The following WDR27 variants were observed in gnomAD, a reference collection of about 807,000 sequenced individuals.
WDR27 encodes the protein WD repeat domain 27.
Under a neutral mutation model 114.4 loss-of-function variants are expected in WDR27, and 100 were observed. That is an observed-to-expected ratio of 0.87 (90% confidence interval 0.74 to 1.03). The LOEUF is 1.03. Among genes scored for constraint, WDR27 ranks in the 50% least tolerant of loss-of-function variants. The pLI, the probability that WDR27 is intolerant of heterozygous loss-of-function variation, is 0.00. For missense variants in WDR27, 1,129 were observed against 1,092.9 expected, an observed-to-expected ratio of 1.03 and a Z score of -0.47; for synonymous variants, 449 against 423.1, an observed-to-expected ratio of 1.06 and a Z score of -0.75.
chr6:169,695,959 A>G (rs1163823413), intron 1 of WDR27, among the ~76,000 whole-genome samples: 1 of 152,164 alleles, frequency 6.6e-6, no homozygotes, highest in African/African-American at 2.4e-5. Context: ...TGGAAAAGGC[A>G]CAGAAAGGAG....
In WDR27 at chr6:169,482,957, G is replaced by A. The variant is rs1788393636; in HGVS notation, c.2646-25323C>T. 2.6e-5 allele frequency among the ~76,000 whole-genome samples: 4 copies of A among 152,070 alleles called. No individual in the cohort carries two copies. In the East Asian group the frequency reaches 7.7e-4, roughly 29 times the overall value. On this transcript the variant is annotated intron_variant, in intron 25 of 25. Transcript: ENST00000448612. ...ACTTTTGGGTAAATAATAGAATGAA[G>A]GCAGATATCAAGGAGTTCTTCAAAA...
At chr6:169,607,953 C>A (rs937276767) in intron 22 of WDR27, among the ~76,000 whole-genome samples, 1 of 151,328 alleles carries the variant, frequency 6.6e-6, no homozygotes, top group Non-Finnish European at 1.5e-5. Context: ...ACAGAGTGTA[C>A]TTACACATAC....
At chr6:169,499,338 T>G (rs1294620654) in intron 25 of WDR27, among the ~76,000 whole-genome samples, 2 of 152,230 alleles carry the variant, frequency 1.3e-5, no homozygotes, top group Non-Finnish European at 2.9e-5. Context: ...GGGCTCTGAA[T>G]AGCTGGGACA....
intron 25 of WDR27, among the ~76,000 whole-genome samples, chr6:169,460,148 T>A (rs1415806992): frequency 1.3e-5 from 2 of 152,216 alleles, no homozygotes; most frequent in African/African-American, 2.4e-5. Flanking sequence ...AAACTATTAG[T>A]CTAAAAGCTA....
At chr6:169,576,256 T>A (rs1802315997) in intron 24 of WDR27, among the ~76,000 whole-genome samples, 1 of 152,208 alleles carries the variant, frequency 6.6e-6, no homozygotes, top group Non-Finnish European at 1.5e-5. Context: ...ATGGTGGGCA[T>A]GACCATGGGG....
intron 25 of WDR27, among the ~76,000 whole-genome samples, chr6:169,500,901 C>T (rs1175339880): frequency 2.6e-5 from 4 of 152,212 alleles, no homozygotes; most frequent in Non-Finnish European, 5.9e-5. Flanking sequence ...GACACTTGCA[C>T]GACCAGGCAT....
chr6:169,497,964 A>G (rs1470356311), intron 25 of WDR27, among the ~76,000 whole-genome samples: 2 of 152,212 alleles, frequency 1.3e-5, no homozygotes, highest in Non-Finnish European at 2.9e-5. Flanking sequence ...AAACATGTTC[A>G]TAACAGCATC....
chr6:169,467,457 G>T (rs539333698), intron 25 of WDR27, among the ~76,000 whole-genome samples: 1 of 152,210 alleles, frequency 6.6e-6, no homozygotes, highest in Non-Finnish European at 1.5e-5. Flanking sequence ...ATACATCCTT[G>T]AAATAAAGGT....
chr6:169,518,225 C>G (rs535059944), intron 25 of WDR27, among the ~76,000 whole-genome samples: 10 of 152,204 alleles, frequency 6.6e-5, no homozygotes, highest in African/African-American at 2.4e-4. Context: ...GCACCCCATT[C>G]CCACAGCTCC....
chr6:169,693,001 G>T (rs1477984643), intron 1 of WDR27, among the ~76,000 whole-genome samples: 1 of 152,206 alleles, frequency 6.6e-6, no homozygotes, highest in African/African-American at 2.4e-5. Flanking sequence ...GAACTCCTGA[G>T]AAATTCATCA....
At chr6:169,629,354 C>T (rs1005390867) in intron 21 of WDR27, among the ~76,000 whole-genome samples, 1 of 151,952 alleles carries the variant, frequency 6.6e-6, no homozygotes, top group African/African-American at 2.4e-5. Context: ...CTCTAACAGG[C>T]CAAGTTTTAA....
intron 24 of WDR27, among the ~76,000 whole-genome samples, chr6:169,580,933 T>TA (rs1803267680): frequency 1.9e-5 from 1 of 53,684 alleles, no homozygotes; most frequent in African/African-American, 4.9e-5. Context: ...TTAGTGAATT[T>TA]TATATATATA....
chr6:169,641,615 G>A (rs1473329340), intron 17 of WDR27, among the ~76,000 whole-genome samples: 1 of 152,184 alleles, frequency 6.6e-6, no homozygotes, highest in Non-Finnish European at 1.5e-5. Context: ...CATGGAGGCC[G>A]GCGTGGGCAG....
At chr6:169,594,798 A>G (rs1806447168) in intron 23 of WDR27, among the ~76,000 whole-genome samples, 1 of 152,232 alleles carries the variant, frequency 6.6e-6, no homozygotes, top group Admixed American at 6.5e-5. Context: ...TTCGGATTAA[A>G]GCATCTCCTG....
chr6:169,438,505 G>A, the WDR27 span, among the ~76,000 whole-genome samples: 1 of 152,078 alleles, frequency 6.6e-6, no homozygotes, highest in East Asian at 1.9e-4. Flanking sequence ...CCAAAGTGCT[G>A]GGATTACAGG....
chr6:169,536,682 C>T (rs1796234450), intron 25 of WDR27, among the ~76,000 whole-genome samples: 1 of 152,112 alleles, frequency 6.6e-6, no homozygotes, highest in African/African-American at 2.4e-5. Context: ...CAGCTGGGCT[C>T]ACAAAAGTGA....
At chr6:169,559,569 T>A (rs1235632871) in intron 25 of WDR27, 1 of 152,188 alleles carries the variant, frequency 6.6e-6, no homozygotes, top group African/African-American at 2.4e-5. Context: ...AATAAGAAAC[T>A]TTTTTGAAAT....
chr6:169,665,569 A>T lies in WDR27; in HGVS notation c.713-13T>A, dbSNP rs577934116. On this transcript the variant is annotated splice_polypyrimidine_tract_variant and intron_variant, in intron 6 of 25. Coordinates refer to ENST00000448612, the MANE Select transcript of WDR27 (RefSeq NM_182552.5). ...AGAAGAGGATATGCTGGTGAAAGGA[A>T]CATCGGAAAATTTAGCTTTGTAAGT... 1.4e-5 allele frequency: 22 copies of T among 1,609,798 alleles called. No homozygotes were observed. In the East Asian group the frequency reaches 4.7e-4, roughly 34 times the overall value.
chr6:169,650,553 C>T (rs1354398736), intron 14 of WDR27, among the ~76,000 whole-genome samples: 2 of 148,774 alleles, frequency 1.3e-5, no homozygotes, highest in Admixed American at 1.3e-4. Context: ...TTCCTTCATC[C>T]CCTCCATCCA....
Sources: gnomAD v4.1 joint callset for allele counts (sites outside exome capture counted in the v4.1 genomes callset) on GRCh38, gnomAD v4.1.1 for gene constraint, MANE v1.5 for transcripts, NCBI Gene and HGNC (gene_info 2026-07-23, HGNC 2026-07-21) for gene names.